Variants in CCSER1 observed in about 807,000 individuals in gnomAD.
The protein encoded by CCSER1 is coiled-coil serine rich protein 1.
In CCSER1, 41 loss-of-function variants were observed where a neutral mutation model predicts 82.0. The ratio of observed to expected loss-of-function variants is 0.50; its 90% CI spans 0.39 to 0.65. The LOEUF is 0.65. Among genes scored for constraint, CCSER1 ranks in the 30% least tolerant of loss-of-function variants. The probability of loss-of-function intolerance (pLI) is 0.00; values close to 1 mark genes in which losing one functional copy is unlikely to be tolerated. For synonymous variants in CCSER1, 414 were observed against 383.9 expected (o/e 1.08, Z -0.92); for missense variants, 1,119 against 1,064.2 (o/e 1.05, Z -0.72).
intron 10 of CCSER1, among the ~76,000 whole-genome samples, chr4:91,386,016 A>G (rs1437467106): frequency 6.6e-6 from 1 of 151,894 alleles, no homozygotes; most frequent in African/African-American, 2.4e-5. Context: ...ACACAAATGC[A>G]TACATATATG....
intron 1 of CCSER1, among the ~76,000 whole-genome samples, chr4:90,151,924 T>C (rs1405977363): frequency 6.6e-6 from 1 of 152,114 alleles, no homozygotes; most frequent in Non-Finnish European, 1.5e-5. Context: ...ATGCATTAAA[T>C]AGGTAGAATA....
At chr4:91,250,555 A>T (rs1455956026) in intron 10 of CCSER1, among the ~76,000 whole-genome samples, 2 of 151,756 alleles carry the variant, frequency 1.3e-5, no homozygotes, top group Non-Finnish European at 2.9e-5. Context: ...TGTTTTAGGC[A>T]TGCATGCAAA....
At chr4:91,296,212 T>G (rs1347907532) in intron 10 of CCSER1, among the ~76,000 whole-genome samples, 2 of 151,540 alleles carry the variant, frequency 1.3e-5, no homozygotes, top group Non-Finnish European at 2.9e-5. Flanking sequence ...AGAATGTGGC[T>G]TAAGTTTCTG....
rs1758995651 is a variant in CCSER1 at position 91,497,636 on chromosome 4, T to A, written c.2218-100936T>A. Among the ~76,000 whole-genome samples, 3 of 151,732 alleles carry A rather than the reference T, an allele frequency of 2.0e-5. No homozygotes were observed. The South Asian group carries it at 6.2e-4, about 31-fold the overall frequency. On this transcript the variant is annotated intron_variant, in intron 10 of 10. Transcript: ENST00000509176. ...ACCGTGTTCAGTAATCTATGCTAAT[T>A]TTTAAGAGATTTTAAAGCTAGAGAT...
intron 6 of CCSER1, among the ~76,000 whole-genome samples, chr4:90,634,139 C>A (rs1408652208): frequency 6.6e-6 from 1 of 151,464 alleles, no homozygotes; most frequent in Non-Finnish European, 1.5e-5. Flanking sequence ...TTAGTTTGCT[C>A]TATTCTCTTT....
At chr4:91,440,538 C>A in intron 10 of CCSER1, among the ~76,000 whole-genome samples, 1 of 152,076 alleles carries the variant, frequency 6.6e-6, no homozygotes, top group Non-Finnish European at 1.5e-5. Flanking sequence ...AAATCGACAG[C>A]CTAACATCAC....
rs530384492 is a variant in CCSER1 at position 90,561,183 on chromosome 4, C to T, written c.1725-66842C>T. Among the ~76,000 whole-genome samples, 89 of 152,316 alleles carry T rather than the reference C, an allele frequency of 5.8e-4. 1 individual carries two copies. In the South Asian group the frequency reaches 0.018, roughly 31 times the overall value. On this transcript the variant is annotated intron_variant, in intron 5 of 10. Transcript: ENST00000509176. ...CTGTCCAGAAACAGAAAGCACCTCT[C>T]ATTTTCCATTGATCCTTTTCTATCT...
chr4:91,148,910 A>G (rs955958514), intron 10 of CCSER1, among the ~76,000 whole-genome samples: 11 of 152,046 alleles, frequency 7.2e-5, no homozygotes, highest in Non-Finnish European at 1.3e-4. Context: ...TTGGTTCCAA[A>G]TCTTTGCTAT....
intron 10 of CCSER1, among the ~76,000 whole-genome samples, chr4:91,396,224 C>T (rs1263094887): frequency 6.6e-6 from 1 of 151,976 alleles, no homozygotes; most frequent in Non-Finnish European, 1.5e-5. Flanking sequence ...ATTGAGGTAA[C>T]CATTATGCAA....
intron 5 of CCSER1, among the ~76,000 whole-genome samples, chr4:90,526,273 A>G (rs1334412066): frequency 6.6e-6 from 1 of 152,154 alleles, no homozygotes; most frequent in African/African-American, 2.4e-5. Context: ...ATTTCGCTGT[A>G]TTTCAATAAA....
chr4:90,927,353 T>C (rs1329528095), intron 9 of CCSER1, among the ~76,000 whole-genome samples: 1 of 152,026 alleles, frequency 6.6e-6, no homozygotes, highest in Non-Finnish European at 1.5e-5. Context: ...CCATTTTTAG[T>C]CTTGAACTTG....
intron 5 of CCSER1, among the ~76,000 whole-genome samples, chr4:90,472,534 T>A (rs905021663): frequency 1.8e-4 from 27 of 152,204 alleles, no homozygotes; most frequent in Non-Finnish European, 2.5e-4. Flanking sequence ...GAAGGAAAGC[T>A]ACATTGCTCA....
At chr4:90,589,728 A>G (rs1782463285) in intron 5 of CCSER1, among the ~76,000 whole-genome samples, 2 of 152,176 alleles carry the variant, frequency 1.3e-5, no homozygotes, top group Non-Finnish European at 1.5e-5. Context: ...AGGAGAAATA[A>G]TCACTCAAGT....
chr4:91,114,026 G>C (rs371145895), intron 10 of CCSER1, among the ~76,000 whole-genome samples: 1 of 151,908 alleles, frequency 6.6e-6, no homozygotes, highest in Non-Finnish European at 1.5e-5. Context: ...CTAATTTTTT[G>C]TATTTTTAGT....
At chr4:90,387,728 C>G (rs564807099) in intron 3 of CCSER1, among the ~76,000 whole-genome samples, 1 of 152,284 alleles carries the variant, frequency 6.6e-6, no homozygotes, top group African/African-American at 2.4e-5. Flanking sequence ...AGTACTCCAT[C>G]TATGTTGCCA....
intron 10 of CCSER1, among the ~76,000 whole-genome samples, chr4:91,459,413 T>C (rs1361707733): frequency 6.6e-6 from 1 of 152,068 alleles, no homozygotes; most frequent in Non-Finnish European, 1.5e-5. Context: ...ATAAAATTGT[T>C]TGATTCCTAA....
intron 5 of CCSER1, among the ~76,000 whole-genome samples, chr4:90,614,332 C>G (rs1418183812): frequency 6.6e-6 from 1 of 152,106 alleles, no homozygotes; most frequent in Admixed American, 6.6e-5. Context: ...TAGATCAATT[C>G]TACAATGCCC....
chr4:90,825,286 T>A (rs1254431738), intron 8 of CCSER1, among the ~76,000 whole-genome samples: 1 of 152,230 alleles, frequency 6.6e-6, no homozygotes, highest in Non-Finnish European at 1.5e-5. Flanking sequence ...GAAATTAATT[T>A]ATACGTAAAG....
chr4:90,703,641 A>G (rs1323886287), intron 6 of CCSER1, among the ~76,000 whole-genome samples: 1 of 152,098 alleles, frequency 6.6e-6, no homozygotes, highest in Non-Finnish European at 1.5e-5. Context: ...GACTTCCTTT[A>G]TGAATCTGGG....
Sources: allele counts gnomAD v4.1 joint callset (sites outside exome capture counted in the v4.1 genomes callset), GRCh38; gene constraint gnomAD v4.1.1; transcripts MANE v1.5; gene names NCBI Gene and HGNC (gene_info 2026-07-23, HGNC 2026-07-21).